SNTB1: variants seen among roughly 807,000 people sequenced by gnomAD.
SNTB1 encodes syntrophin beta 1.
In SNTB1, 36 loss-of-function variants were observed where a neutral mutation model predicts 48.9. That is an observed-to-expected ratio of 0.74 (90% CI 0.56 to 0.97). The LOEUF (loss-of-function observed/expected upper bound fraction) is 0.97, where lower values mean the gene tolerates loss of function less well. Ranked by LOEUF, SNTB1 falls within the 50% of genes least tolerant of loss-of-function variation. The pLI is 0.00. For missense variants in SNTB1, 786 were observed against 703.4 expected (o/e 1.12, Z -1.33); for synonymous variants, 299 against 294.6 (o/e 1.01, Z -0.15).
At chr8:120,654,790 G>A in intron 2 of SNTB1, 1 of 310,616 alleles carries the variant, frequency 3.2e-6, no homozygotes, top group Non-Finnish European at 6.3e-6. Context: ...TTAGAAACAT[G>A]AGGCTAATAC....
intron 2 of SNTB1, among the ~76,000 whole-genome samples, chr8:120,663,423 C>T (rs1005619932): frequency 3.3e-5 from 5 of 152,200 alleles, no homozygotes; most frequent in African/African-American, 1.2e-4. Context: ...TCTCCTGCCT[C>T]AGCCTCCCGA....
chr8:120,701,321 G>A (rs1818306480), intron 1 of SNTB1, among the ~76,000 whole-genome samples: 1 of 152,160 alleles, frequency 6.6e-6, no homozygotes, highest in Non-Finnish European at 1.5e-5. Flanking sequence ...TTCCAGCTCT[G>A]CCACTAACTA....
intron 2 of SNTB1, among the ~76,000 whole-genome samples, chr8:120,665,904 A>G (rs926409323): frequency 6.6e-6 from 1 of 152,162 alleles, no homozygotes; most frequent in African/African-American, 2.4e-5. Flanking sequence ...TGGACTCCCT[A>G]TTAGGTTTCA....
intron 3 of SNTB1, among the ~76,000 whole-genome samples, chr8:120,617,380 C>T (rs1300553562): frequency 1.3e-5 from 2 of 152,212 alleles, no homozygotes; most frequent in Admixed American, 1.3e-4. Flanking sequence ...GGAGTGTTCA[C>T]TTCTAAATCC....
At chr8:120,771,157 C>T (rs1348975047) in intron 1 of SNTB1, among the ~76,000 whole-genome samples, 1 of 152,142 alleles carries the variant, frequency 6.6e-6, no homozygotes, top group African/African-American at 2.4e-5. Context: ...TGTGTATCCC[C>T]AGGAAGGGAA....
chr8:120,762,249 TG>T (rs769537313), intron 1 of SNTB1, among the ~76,000 whole-genome samples: 3 of 152,204 alleles, frequency 2.0e-5, no homozygotes, highest in Middle Eastern at 3.2e-3. Context: ...TTTTTATAAA[TG>T]TCCTCCCTGT....
intron 1 of SNTB1, among the ~76,000 whole-genome samples, chr8:120,760,158 T>A (rs1281312170): frequency 6.6e-6 from 1 of 152,218 alleles, no homozygotes; most frequent in African/African-American, 2.4e-5. Flanking sequence ...TTATTTAAAA[T>A]TTTTTCAATC....
intron 3 of SNTB1, among the ~76,000 whole-genome samples, chr8:120,605,971 T>A (rs999665432): frequency 1.3e-5 from 2 of 152,058 alleles, no homozygotes; most frequent in Non-Finnish European, 2.9e-5. Flanking sequence ...AAGTAGAATG[T>A]CAATTAGATT....
chr8:120,732,314 G>T (rs1264809612), intron 1 of SNTB1, among the ~76,000 whole-genome samples: 1 of 152,182 alleles, frequency 6.6e-6, no homozygotes, highest in African/African-American at 2.4e-5. Flanking sequence ...AAGTGAAGGT[G>T]TCCAAAATAA....
intron 2 of SNTB1, among the ~76,000 whole-genome samples, chr8:120,674,737 G>T (rs1285327490): frequency 1.3e-5 from 2 of 152,204 alleles, no homozygotes; most frequent in Non-Finnish European, 1.5e-5. Context: ...GAGAATTACT[G>T]TAGCAGAAGT....
intron 1 of SNTB1, among the ~76,000 whole-genome samples, chr8:120,741,255 T>G (rs189144745): frequency 3.3e-4 from 50 of 152,328 alleles, no homozygotes; most frequent in Non-Finnish European, 6.0e-4. Flanking sequence ...TTTTAAGCAT[T>G]TCTAGGCAAT....
intron 1 of SNTB1, among the ~76,000 whole-genome samples, chr8:120,695,291 A>G (rs898905670): frequency 2.0e-5 from 3 of 152,230 alleles, no homozygotes; most frequent in South Asian, 2.1e-4. Flanking sequence ...CAACAGGATT[A>G]TAGAGACTAC....
rs774350649 is a variant in SNTB1, at chr8:120,811,347, G to T, written c.497C>A (p.Ala166Asp). ...GTCGTGGGTGGCGTCCCGCAGGTCG[G>T]CTCCGTTCACGGACAGGATGGCGTC... ...VGDAILSVNG[A>D]DLRDATHDEA... Residue 166 changes from alanine to aspartate, a missense_variant, in exon 1 of 7, where the codon GCC (alanine) becomes GAC (aspartate). By Grantham distance (126) the Ala-to-Asp change is moderately radical. Coordinates refer to ENST00000517992, the MANE Select transcript of SNTB1 (RefSeq NM_021021.4). The T allele has an allele frequency of 1.9e-6, 3 of 1,612,992 alleles. No homozygotes were observed. Among genetic ancestry groups the T allele is most frequent in the Non-Finnish European group, 2.5e-6 (3 of 1,179,886 alleles).
rs778159351 is a variant in SNTB1 at position 120,811,739 on chromosome 8, G to C, written c.105C>G (p.His35Gln). 8 of 1,556,816 alleles carry C rather than the reference G, an allele frequency of 5.1e-6. No individual in the cohort carries two copies. The highest frequency in any genetic ancestry group is 3.5e-4 in the Middle Eastern group (2 of 5,666). ...LLEVLVRDRW[H>Q]KVLVNLSEDA... Reference sequence around the variant, plus strand: ...CCTCGCTCAAGTTCACCAGAACTTTGTGCCAGCGATCCCGCACCAAAACTT... The same window carrying C: ...CCTCGCTCAAGTTCACCAGAACTTTCTGCCAGCGATCCCGCACCAAAACTT... Residue 35 changes from histidine (H) to glutamine (Q), a missense_variant, in exon 1 of 7, where the codon CAC becomes CAG. His to Gln is a conservative substitution (Grantham distance 24). Transcript: ENST00000517992.
chr8:120,726,624 T>C (rs1818759612), intron 1 of SNTB1, among the ~76,000 whole-genome samples: 1 of 152,122 alleles, frequency 6.6e-6, no homozygotes, highest in African/African-American at 2.4e-5. Flanking sequence ...GTTTTCATGG[T>C]ACATGGGAAA....
chr8:120,646,902 A>T (rs1474338340), intron 2 of SNTB1, among the ~76,000 whole-genome samples: 1 of 151,844 alleles, frequency 6.6e-6, no homozygotes, highest in East Asian at 1.9e-4. Context: ...GGGAGAGTGT[A>T]TGTGTCCAGG....
chr8:120,768,040 G>C (rs1450567435), intron 1 of SNTB1, among the ~76,000 whole-genome samples: 1 of 152,132 alleles, frequency 6.6e-6, no homozygotes, highest in Non-Finnish European at 1.5e-5. Context: ...AATTGCAACT[G>C]CATTCAATTG....
At chr8:120,637,574 T>A (rs1412706584) in intron 2 of SNTB1, 1 of 199,144 alleles carries the variant, frequency 5.0e-6, no homozygotes, top group Admixed American at 6.2e-5. Context: ...TAACACAAAG[T>A]GTTATGTGCA....
At chr8:120,757,353 G>A (rs934420872) in intron 1 of SNTB1, among the ~76,000 whole-genome samples, 2 of 152,174 alleles carry the variant, frequency 1.3e-5, no homozygotes, top group African/African-American at 4.8e-5. Context: ...AGATGGCAAG[G>A]TGATTACAGA....
Sources: gnomAD v4.1 joint callset for allele counts (sites outside exome capture counted in the v4.1 genomes callset) on GRCh38, gnomAD v4.1.1 for gene constraint, MANE v1.5 for transcripts, NCBI Gene and HGNC (gene_info 2026-07-23, HGNC 2026-07-21) for gene names.